Variants in HSD17B12 observed in about 807,000 individuals in gnomAD.
The protein encoded by HSD17B12 is hydroxysteroid 17-beta dehydrogenase 12.
HSD17B12 carries 32 observed loss-of-function variants against 39.3 expected under a neutral mutation model. That is an observed-to-expected ratio of 0.81 (90% CI 0.61 to 1.09). The LOEUF (loss-of-function observed/expected upper bound fraction) is 1.09. Among genes scored for constraint, HSD17B12 ranks in the 50% least tolerant of loss-of-function variants. The probability of loss-of-function intolerance (pLI) is 0.00; values close to 1 mark genes in which losing one functional copy is unlikely to be tolerated. For missense variants in HSD17B12, 342 were observed against 382.9 expected (o/e 0.89, Z 0.89); for synonymous variants, 150 against 146.7 (o/e 1.02, Z -0.16).
At chr11:43,604,450 T>A in the HSD17B12 span, among the ~76,000 whole-genome samples, 1 of 152,240 alleles carries the variant, frequency 6.6e-6, no homozygotes, top group African/African-American at 2.4e-5. Context: ...TAGACCTATC[T>A]GAAAATTGTG....
chr11:43,795,064 G>A lies in HSD17B12; in HGVS notation c.284-3256G>A, dbSNP rs1431811317. 3.3e-5 allele frequency among the ~76,000 whole-genome samples: 5 copies of A among 152,200 alleles called. No homozygotes were observed. The South Asian group carries it at 6.2e-4, about 19-fold the overall frequency. ...GGGGAGGTGTGAAGATGGAAATGAG[G>A]GCTGTGTTATGTATATCTGGTATCT... On this transcript the variant is annotated intron_variant, in intron 3 of 10. Coordinates refer to ENST00000278353, the MANE Select transcript of HSD17B12 (RefSeq NM_016142.3).
In HSD17B12 at chr11:43,680,745, T is replaced by C. The variant is rs1436465238; in HGVS notation, c.-83T>C. On this transcript the variant is annotated 5_prime_UTR_variant, in exon 1 of 11. Transcript: ENST00000278353. ...GGAGCAGCGCCTATTAGTGTCATCC[T>C]CACCGTCACGGCCGGCGCCTCCTCC... The C allele has an allele frequency of 3.1e-6, 4 of 1,281,976 alleles. No individual in the cohort carries two copies. The highest frequency in any genetic ancestry group is 4.5e-6 in the Non-Finnish European group (4 of 881,680). The allele number at this position is 1,281,976 out of a possible 1,614,324, so 79.4% of individuals were successfully genotyped here. A position where few individuals can be genotyped will look rare whatever the true frequency, so the allele number is the denominator to read the frequency against.
At chr11:43,824,762 G>A (rs1387662065) in intron 6 of HSD17B12, among the ~76,000 whole-genome samples, 1 of 152,234 alleles carries the variant, frequency 6.6e-6, no homozygotes. Flanking sequence ...TTGGGAGGCT[G>A]AGATGGGTGG....
intron 1 of HSD17B12, among the ~76,000 whole-genome samples, chr11:43,722,022 A>G (rs554736839): frequency 6.6e-6 from 1 of 152,258 alleles, no homozygotes; most frequent in East Asian, 1.9e-4. Flanking sequence ...AAGTGGTCAT[A>G]CGTGGTATGT....
chr11:43,771,862 A>G (rs1950653884), intron 3 of HSD17B12, among the ~76,000 whole-genome samples: 1 of 152,158 alleles, frequency 6.6e-6, no homozygotes. Context: ...TCAAGATCAT[A>G]TTACAAATAT....
At chr11:43,724,022 T>C (rs1316589198) in intron 1 of HSD17B12, 1 of 152,188 alleles carries the variant, frequency 6.6e-6, no homozygotes, top group Non-Finnish European at 1.5e-5. Context: ...CTAACAGATT[T>C]TCAGATCACC....
At chr11:43,669,327 C>T in the HSD17B12 span, among the ~76,000 whole-genome samples, 1 of 151,904 alleles carries the variant, frequency 6.6e-6, no homozygotes, top group East Asian at 1.9e-4. Context: ...ATGCTGAAAC[C>T]CCGTCTCTAC....
the HSD17B12 span, among the ~76,000 whole-genome samples, chr11:43,624,057 GA>G: frequency 1.3e-4 from 20 of 151,032 alleles, no homozygotes; most frequent in African/African-American, 4.4e-4. Context: ...TAATTCAAAG[GA>G]AAAAAAAATC....
upstream of HSD17B12, among the ~76,000 whole-genome samples, chr11:43,675,951 A>AAT (rs1169966233): frequency 6.6e-6 from 1 of 152,116 alleles, no homozygotes; most frequent in Non-Finnish European, 1.5e-5. Flanking sequence ...GTCTCTACTA[A>AAT]AAATACAAAA....
chr11:43,761,464 G>A (rs747971288), intron 3 of HSD17B12, among the ~76,000 whole-genome samples: 12 of 152,158 alleles, frequency 7.9e-5, no homozygotes, highest in African/African-American at 7.2e-5. Flanking sequence ...CTGTTGCAGC[G>A]TAACAAACCA....
At chr11:43,599,318 G>A in the HSD17B12 span, among the ~76,000 whole-genome samples, 3 of 152,054 alleles carry the variant, frequency 2.0e-5, no homozygotes, top group Non-Finnish European at 2.9e-5. Context: ...TAGCCTATGC[G>A]ACCCTTAGGA....
chr11:43,836,287 C>A (rs1243761435), intron 7 of HSD17B12, among the ~76,000 whole-genome samples: 1 of 152,084 alleles, frequency 6.6e-6, no homozygotes, highest in Non-Finnish European at 1.5e-5. Context: ...TAGCTGTTCC[C>A]AGTTATGTGA....
At position 43,832,848 on chromosome 11, in the gene HSD17B12, G is replaced by A. The variant is rs536393170; in HGVS notation, c.536+1838G>A. ...AATTCAAGACCAGCCTGGTCAACAT[G>A]GCAAGACCTCATCTCTACTAAAAGT... On this transcript the variant is annotated intron_variant, in intron 7 of 10. Transcript: ENST00000278353. 2.0e-5 allele frequency among the ~76,000 whole-genome samples: 3 copies of A among 152,102 alleles called. No homozygotes were observed. The East Asian group carries it at 5.8e-4, about 29-fold the overall frequency.
intron 3 of HSD17B12, among the ~76,000 whole-genome samples, chr11:43,783,919 C>T (rs1345963820): frequency 6.6e-6 from 1 of 152,144 alleles, no homozygotes; most frequent in Non-Finnish European, 1.5e-5. Flanking sequence ...ACTATATATT[C>T]TGAAACAAAA....
chr11:43,599,141 G>T, the HSD17B12 span, among the ~76,000 whole-genome samples: 1 of 152,116 alleles, frequency 6.6e-6, no homozygotes. Flanking sequence ...CTTATACCTA[G>T]ATAAAAAGTT....
intron 1 of HSD17B12, among the ~76,000 whole-genome samples, chr11:43,683,225 T>C (rs1384171752): frequency 2.6e-5 from 4 of 151,982 alleles, no homozygotes; most frequent in Non-Finnish European, 5.9e-5. Context: ...TAAGTAACAT[T>C]TGTGTTGAAA....
the HSD17B12 span, among the ~76,000 whole-genome samples, chr11:43,663,616 C>A: frequency 6.6e-6 from 1 of 152,114 alleles, no homozygotes; most frequent in Non-Finnish European, 1.5e-5. Flanking sequence ...ACATTTTAAA[C>A]CATGTTTTCT....
rs1173957864 is a variant in HSD17B12, at chr11:43,831,067, G to C, written c.536+57G>C. On this transcript the variant is annotated intron_variant, in intron 7 of 10. Coordinates refer to ENST00000278353, the MANE Select transcript of HSD17B12 (RefSeq NM_016142.3). This position sits in a 1 kb window ranked among gnomAD's most constrained non-coding sequence, Gnocchi z 4.1. Reference sequence around the variant, plus strand: ...GAAGCAGAGCTCATGATTATTTAGAGGGAGAATCCTTGCTTTGAAAAAATC... The same window carrying C: ...GAAGCAGAGCTCATGATTATTTAGACGGAGAATCCTTGCTTTGAAAAAATC... 2.0e-6 allele frequency: 3 copies of C among 1,486,318 alleles called. No individual in the cohort carries two copies. The highest frequency in any genetic ancestry group is 2.8e-6 in the Non-Finnish European group (3 of 1,086,674). The allele number at this position is 1,486,318 out of a possible 1,614,324, so 92.1% of individuals were successfully genotyped here. A position where few individuals can be genotyped will look rare whatever the true frequency, so the allele number is the denominator to read the frequency against.
chr11:43,568,826 T>G, the HSD17B12 span, among the ~76,000 whole-genome samples: 1 of 152,206 alleles, frequency 6.6e-6, no homozygotes, highest in Non-Finnish European at 1.5e-5. Context: ...GAAGCTACCT[T>G]CTTGTTTTAC....
Sources: gnomAD v4.1 joint callset for allele counts (sites outside exome capture counted in the v4.1 genomes callset) on GRCh38, gnomAD v4.1.1 for gene constraint, Gnocchi (gnomAD v3.1) non-coding constraint, MANE v1.5 for transcripts, NCBI Gene and HGNC (gene_info 2026-07-23, HGNC 2026-07-21) for gene names.